Variants in FER observed in about 807,000 individuals in gnomAD.
The protein encoded by FER is FER tyrosine kinase.
A neutral mutation model predicts 111.0 loss-of-function variants in FER; 63 were observed. The observed-to-expected ratio is 0.57, with a 90% CI of 0.46 to 0.70. The LOEUF is 0.70. Among genes scored for constraint, FER ranks in the 30% least tolerant of loss-of-function variants. The pLI, the probability that FER is intolerant of heterozygous loss-of-function variation, is 0.00. For synonymous variants in FER, 327 were observed against 313.9 expected (o/e 1.04, Z -0.44); for missense variants, 914 against 954.0 (o/e 0.96, Z 0.55).
At chr5:108,749,313 C>G (rs949521460) in intron 1 of FER, among the ~76,000 whole-genome samples, 3 of 152,010 alleles carry the variant, frequency 2.0e-5, no homozygotes, top group Non-Finnish European at 4.4e-5. Flanking sequence ...TCCCGGGACC[C>G]GAAGGCTGAG....
intron 5 of FER, among the ~76,000 whole-genome samples, chr5:108,856,419 T>G (rs1763014685): frequency 1.3e-5 from 2 of 152,222 alleles, no homozygotes; most frequent in Admixed American, 1.3e-4. Context: ...GCATAACATG[T>G]AGCTTTTAAG....
At chr5:109,004,736 A>G (rs550574655) in intron 13 of FER, among the ~76,000 whole-genome samples, 24 of 152,296 alleles carry the variant, frequency 1.6e-4, no homozygotes, top group African/African-American at 5.8e-4. Flanking sequence ...TACTACTGTT[A>G]TAGTAACAAA....
intron 2 of FER, among the ~76,000 whole-genome samples, chr5:108,778,625 T>C (rs1044083084): frequency 2.6e-5 from 4 of 152,204 alleles, no homozygotes; most frequent in African/African-American, 9.6e-5. Flanking sequence ...TGTCCGTGTA[T>C]ATTATTTGGT....
rs148982490 is a variant in FER at position 108,817,093 on chromosome 5, G to C, written c.208-15677G>C. 4.6e-3 allele frequency among the ~76,000 whole-genome samples: 419 copies of C among 91,192 alleles called. 4 individuals carry two copies. The highest frequency in any genetic ancestry group is 0.017 in the African/African-American group (402 of 23,776). The allele number at this position is 91,192 out of a possible 152,430, so 59.8% of individuals were successfully genotyped here. On this transcript the variant is annotated intron_variant, in intron 3 of 19. Coordinates refer to ENST00000281092, the MANE Select transcript of FER (RefSeq NM_005246.4). ...CACTCCATCCTGGGCAACAGAGCAAGACACTGTCTCAAAAAAAAAAAAAAA... is the reference window on the plus strand; with the variant it reads ...CACTCCATCCTGGGCAACAGAGCAACACACTGTCTCAAAAAAAAAAAAAAA...
At chr5:108,981,276 CT>C (rs1219250824) in intron 13 of FER, among the ~76,000 whole-genome samples, 1 of 151,846 alleles carries the variant, frequency 6.6e-6, no homozygotes, top group East Asian at 1.9e-4. Flanking sequence ...ATTTATATAT[CT>C]TGCTTAATTC....
chr5:109,096,934 AT>A (rs2150057281), intron 16 of FER, among the ~76,000 whole-genome samples: 1 of 149,184 alleles, frequency 6.7e-6, no homozygotes, highest in East Asian at 1.9e-4. Flanking sequence ...AATAGTATAA[AT>A]AGTAAATAGT....
chr5:109,143,397 T>C (rs994313462), intron 17 of FER, among the ~76,000 whole-genome samples: 4 of 152,106 alleles, frequency 2.6e-5, no homozygotes, highest in Admixed American at 2.6e-4. Context: ...AGCAAAAACA[T>C]TTGGGAGAAA....
intron 16 of FER, among the ~76,000 whole-genome samples, chr5:109,091,123 G>A (rs917525372): frequency 1.3e-5 from 2 of 152,222 alleles, no homozygotes; most frequent in African/African-American, 4.8e-5. Flanking sequence ...AGTCTGGATG[G>A]AAGGAAGACA....
chr5:109,049,514 T>A (rs1404622906), intron 16 of FER, among the ~76,000 whole-genome samples: 1 of 152,166 alleles, frequency 6.6e-6, no homozygotes, highest in Non-Finnish European at 1.5e-5. Flanking sequence ...ATCCTTCAAG[T>A]ATTTTGAATT....
intron 5 of FER, among the ~76,000 whole-genome samples, chr5:108,862,278 TAAAG>T (rs1364729139): frequency 6.6e-6 from 1 of 152,140 alleles, no homozygotes; most frequent in Non-Finnish European, 1.5e-5. Flanking sequence ...CTATATTTAA[TAAAG>T]AAAAAGGTAT....
chr5:108,756,288 A>G (rs1262901704), intron 1 of FER, among the ~76,000 whole-genome samples: 4 of 152,006 alleles, frequency 2.6e-5, no homozygotes, highest in African/African-American at 7.2e-5. Context: ...GTTAACCATT[A>G]CTTAAATTTT....
At chr5:108,749,420 G>A (rs1750189103) in intron 1 of FER, among the ~76,000 whole-genome samples, 1 of 152,072 alleles carries the variant, frequency 6.6e-6, no homozygotes, top group Non-Finnish European at 1.5e-5. Flanking sequence ...GGTGGTGGGG[G>A]GACTGTGGGC....
At chr5:109,119,396 T>A (rs1750677260) in intron 17 of FER, among the ~76,000 whole-genome samples, 1 of 152,366 alleles carries the variant, frequency 6.6e-6, no homozygotes, top group African/African-American at 2.4e-5. Flanking sequence ...ATTTCTGTTC[T>A]TTTACATTTG....
chr5:109,077,619 C>G (rs1295269110), intron 16 of FER, among the ~76,000 whole-genome samples: 1 of 152,120 alleles, frequency 6.6e-6, no homozygotes, highest in Non-Finnish European at 1.5e-5. Context: ...TTAAACCTAA[C>G]AGAAGTAGAA....
chr5:109,100,512 A>G lies in FER; in HGVS notation c.2041A>G (p.Ile681Val), dbSNP rs1748094449. The G allele has an allele frequency of 1.2e-6, 2 of 1,609,474 alleles. No individual in the cohort carries two copies. Among genetic ancestry groups the G allele is most frequent in the African/African-American group, 1.3e-5 (1 of 74,710 alleles). Reference protein sequence around the residue: ...GMLYLESKNCIHRDLAARNCL... With the variant: ...GMLYLESKNCVHRDLAARNCL... ...GTTGTATCTCGAGAGTAAAAACTGT[A>G]TACACAGGTAAGGAGAACATTTTTA... Residue 681 changes from isoleucine (I) to valine (V), a missense_variant, in exon 17 of 20, where the codon ATA (isoleucine) becomes GTA (valine). By Grantham distance (29) the Ile-to-Val change is conservative (BLOSUM62 3). Coordinates refer to ENST00000281092, the MANE Select transcript of FER (RefSeq NM_005246.4).
intron 16 of FER, among the ~76,000 whole-genome samples, chr5:109,049,781 AGTC>A (rs1772491313): frequency 6.6e-6 from 1 of 152,326 alleles, no homozygotes; most frequent in East Asian, 1.9e-4. Flanking sequence ...CATTTTCACC[AGTC>A]GTCTGTGATG....
chr5:108,913,905 A>C (rs541972851), intron 10 of FER, among the ~76,000 whole-genome samples: 25 of 152,216 alleles, frequency 1.6e-4, no homozygotes, highest in Non-Finnish European at 3.2e-4. Context: ...CAGACATTAC[A>C]TATTCTGTGA....
In FER at chr5:109,191,850, G is replaced by A. The variant is rs1460431094; in HGVS notation, c.*4275G>A. On this transcript the variant is annotated 3_prime_UTR_variant, in exon 20 of 20. Coordinates refer to ENST00000281092, the MANE Select transcript of FER (RefSeq NM_005246.4). Reference sequence around the variant, plus strand: ...ACATATGAAGATACTGATTTTAAAAGTCAGGATTTCATGTACCAAGAATGA... The same window carrying A: ...ACATATGAAGATACTGATTTTAAAAATCAGGATTTCATGTACCAAGAATGA... The A allele has an allele frequency of 6.6e-6, 1 of 151,922 alleles. No homozygotes were observed. The highest frequency in any genetic ancestry group is 1.5e-5 in the Non-Finnish European group (1 of 67,988). The allele number at this position is 151,922 out of a possible 1,614,324, so 9.4% of individuals were successfully genotyped here.
At chr5:108,797,657 C>G (rs984352099) in intron 2 of FER, among the ~76,000 whole-genome samples, 3 of 152,212 alleles carry the variant, frequency 2.0e-5, no homozygotes, top group African/African-American at 7.2e-5. Context: ...CTACCCTTTT[C>G]AGTACCTCTT....
Sources: gnomAD v4.1 joint callset for allele counts (sites outside exome capture counted in the v4.1 genomes callset) on GRCh38, gnomAD v4.1.1 for gene constraint, MANE v1.5 for transcripts, NCBI Gene and HGNC (gene_info 2026-07-23, HGNC 2026-07-21) for gene names.